The following KCNQ1OT1 variants were observed in gnomAD, a reference collection of about 807,000 sequenced individuals.
KCNQ1OT1 encodes KCNQ1 opposite strand/antisense transcript 1.
chr11:2,617,516 A>G lies in KCNQ1OT1; in HGVS notation n.82479T>C. On this transcript the variant is annotated non_coding_transcript_exon_variant, in exon 1 of 1. Transcript: ENST00000597346. The surrounding 1 kb of genome is among the most constrained non-coding windows in gnomAD (Gnocchi z 4.6). Reference sequence around the variant, plus strand: ...CGTGACTCATGCATATAATGCCACAATGAATATAGGAGCGCAGATATCTTT... The same window carrying G: ...CGTGACTCATGCATATAATGCCACAGTGAATATAGGAGCGCAGATATCTTT... 2.5e-6 allele frequency: 1 copy of G among 398,502 alleles called. No homozygotes were observed. Among genetic ancestry groups the G allele is most frequent in the Non-Finnish European group, 4.4e-6 (1 of 225,972 alleles). 24.7% of individuals were successfully genotyped at this position (398,502 alleles called of 1,614,324 possible).
In KCNQ1OT1 at chr11:2,692,141, C is replaced by G. The variant is rs959852726; in HGVS notation, n.7854G>C. ...TTATAGCCCACTCTACTGAAGGCCC[C>G]TGTCCTTTCAGTGTCACCCATCCTT... On this transcript the variant is annotated non_coding_transcript_exon_variant, in exon 1 of 1. Transcript: ENST00000597346. The G allele has an allele frequency of 1.0e-5, 4 of 398,608 alleles. No individual in the cohort carries two copies. In the Admixed American group the frequency reaches 1.8e-4, roughly 18 times the overall value. 24.7% of individuals were successfully genotyped at this position (398,608 alleles called of 1,614,324 possible).
In KCNQ1OT1 at chr11:2,654,313, G is replaced by C. The variant is rs913322269; in HGVS notation, n.45682C>G. 7 of 398,638 alleles carry C rather than the reference G, an allele frequency of 1.8e-5. No individual in the cohort carries two copies. The highest frequency in any genetic ancestry group is 3.1e-5 in the Non-Finnish European group (7 of 226,242). The allele number at this position is 398,638 out of a possible 1,614,324, so 24.7% of individuals were successfully genotyped here. ...ACTGAGAGGGGGAGATTTCTTGAGG[G>C]GGCCAGGGAGGGGGCTTCTACTTGC... On this transcript the variant is annotated non_coding_transcript_exon_variant, in exon 1 of 1. Coordinates refer to ENST00000597346, the Ensembl canonical transcript of KCNQ1OT1. The surrounding 1 kb of genome is among the most constrained non-coding windows in gnomAD (Gnocchi z 6.4).
Position 2,621,052 on chromosome 11 carries a change from A to G in KCNQ1OT1, n.78943T>C. On this transcript the variant is annotated non_coding_transcript_exon_variant, in exon 1 of 1. Coordinates refer to ENST00000597346, the Ensembl canonical transcript of KCNQ1OT1. The surrounding 1 kb of genome is among the most constrained non-coding windows in gnomAD (Gnocchi z 5.7). ...GAGTGCAGTGGCGCAATCTCGGCTC[A>G]CTGCAACCTCCACCTCCTGGGTTCA... 1 of 396,720 alleles carries G rather than the reference A, an allele frequency of 2.5e-6. No homozygotes were observed. Among genetic ancestry groups the G allele is most frequent in the East Asian group, 3.6e-5 (1 of 27,998 alleles). The allele number at this position is 396,720 out of a possible 1,614,324, so 24.6% of individuals were successfully genotyped here. A position where few individuals can be genotyped will look rare whatever the true frequency, so the allele number is the denominator to read the frequency against.
At chr11:2,646,640 C>T in exon 1 of KCNQ1OT1, 1 of 398,724 alleles carries the variant, frequency 2.5e-6, no homozygotes, top group East Asian at 3.6e-5. Context: ...ATCCTCCCAT[C>T]TCAGCCTCCT....
Position 2,673,138 on chromosome 11 carries a change from T to C in KCNQ1OT1, n.26857A>G. The C allele has an allele frequency of 2.5e-6, 1 of 398,668 alleles. No individual in the cohort carries two copies. The allele number at this position is 398,668 out of a possible 1,614,324, so 24.7% of individuals were successfully genotyped here. A position where few individuals can be genotyped will look rare whatever the true frequency, so the allele number is the denominator to read the frequency against. Reference sequence around the variant, plus strand: ...GCAGGCAGCATCAGGGCAGGGGTGCTGACCATCCCTGACCCAAGCACGAGG... The same window carrying C: ...GCAGGCAGCATCAGGGCAGGGGTGCCGACCATCCCTGACCCAAGCACGAGG... On this transcript the variant is annotated non_coding_transcript_exon_variant, in exon 1 of 1. Transcript: ENST00000597346. This position sits in a 1 kb window ranked among gnomAD's most constrained non-coding sequence, Gnocchi z 4.5.
In KCNQ1OT1 at chr11:2,617,102, C is replaced by G. The variant is rs1849079676; in HGVS notation, n.82893G>C. 1 of 398,004 alleles carries G rather than the reference C, an allele frequency of 2.5e-6. No homozygotes were observed. The highest frequency in any genetic ancestry group is 4.4e-6 in the Non-Finnish European group (1 of 225,832). 24.7% of individuals were successfully genotyped at this position (398,004 alleles called of 1,614,324 possible). A position where few individuals can be genotyped will look rare whatever the true frequency, so the allele number is the denominator to read the frequency against. ...GTGTATGAGTGAGAAAAGCTATGAT[C>G]TACTCAATTGGCAAAAATTCCAAAT... is the stretch of plus-strand genomic sequence containing the variant. On this transcript the variant is annotated non_coding_transcript_exon_variant, in exon 1 of 1. Coordinates refer to ENST00000597346, the Ensembl canonical transcript of KCNQ1OT1. The surrounding 1 kb of genome is among the most constrained non-coding windows in gnomAD (Gnocchi z 4.6).
At chr11:2,656,505 A>C (rs1373190778) in exon 1 of KCNQ1OT1, 1 of 398,490 alleles carries the variant, frequency 2.5e-6, no homozygotes, top group Non-Finnish European at 4.4e-6. Flanking sequence ...TGAGCTCCTG[A>C]GTTTATTTAC....
At position 2,661,154 on chromosome 11, in the gene KCNQ1OT1, G is replaced by A; in HGVS notation, n.38841C>T. ...GAGAGGGTGGGCTAGGGATCTAGTT[G>A]GCAGTTAACACTGATGACCTTGGGG... On this transcript the variant is annotated non_coding_transcript_exon_variant, in exon 1 of 1. Coordinates refer to ENST00000597346, the Ensembl canonical transcript of KCNQ1OT1. This position sits in a 1 kb window ranked among gnomAD's most constrained non-coding sequence, Gnocchi z 5.9. 1 of 398,548 alleles carries A rather than the reference G, an allele frequency of 2.5e-6. No homozygotes were observed. The allele number at this position is 398,548 out of a possible 1,614,324, so 24.7% of individuals were successfully genotyped here.
Position 2,657,345 on chromosome 11 carries a change from A to C in KCNQ1OT1, n.42650T>G, listed in dbSNP as rs1849867959. 2.5e-6 allele frequency: 1 copy of C among 398,616 alleles called. No individual in the cohort carries two copies. 24.7% of individuals were successfully genotyped at this position (398,616 alleles called of 1,614,324 possible). On this transcript the variant is annotated non_coding_transcript_exon_variant, in exon 1 of 1. Transcript: ENST00000597346. This position sits in a 1 kb window ranked among gnomAD's most constrained non-coding sequence, Gnocchi z 4.8. ...ATTGAGTCTTCTAGTCATTGGAATGAAGGCATATTTCTCCATTTATATCTT... is the reference window on the plus strand; with the variant it reads ...ATTGAGTCTTCTAGTCATTGGAATGCAGGCATATTTCTCCATTTATATCTT...
At chr11:2,640,303 G>A (rs371129397) in exon 1 of KCNQ1OT1, 3 of 398,032 alleles carry the variant, frequency 7.5e-6, no homozygotes, top group East Asian at 7.1e-5. Flanking sequence ...CGTCACTCAC[G>A]CTGGGAGCTA....
At chr11:2,694,159 G>T (rs1423858708) in exon 1 of KCNQ1OT1, 1 of 398,572 alleles carries the variant, frequency 2.5e-6, no homozygotes, top group Non-Finnish European at 4.4e-6. Flanking sequence ...CAGGGAAGAG[G>T]GTACTCTGAT....
chr11:2,699,761 GCGCTGA>G, exon 1 of KCNQ1OT1: 1 of 363,914 alleles, frequency 2.7e-6, no homozygotes. Context: ...GAAGAGCGCC[GCGCTGA>G]GGAGCCCCGA....
rs1397451232 is a variant in KCNQ1OT1 at position 2,683,984 on chromosome 11, G to T, written n.16011C>A. 5.1e-6 allele frequency: 2 copies of T among 395,012 alleles called. No individual in the cohort carries two copies. The highest frequency in any genetic ancestry group is 1.3e-4 in the South Asian group (1 of 7,758). 24.5% of individuals were successfully genotyped at this position (395,012 alleles called of 1,614,324 possible). A position where few individuals can be genotyped will look rare whatever the true frequency, so the allele number is the denominator to read the frequency against. ...ACTTTTTTTTTTTTTTCATTTAGAA[G>T]AATTTCCTTGGCAACTCCGTCTCTC... On this transcript the variant is annotated non_coding_transcript_exon_variant, in exon 1 of 1. Coordinates refer to ENST00000597346, the Ensembl canonical transcript of KCNQ1OT1. This position sits in a 1 kb window ranked among gnomAD's most constrained non-coding sequence, Gnocchi z 4.7.
rs1849770549 is a variant in KCNQ1OT1, at chr11:2,652,347, G to A, written n.47648C>T. The A allele has an allele frequency of 1.0e-5, 4 of 398,512 alleles. No individual in the cohort carries two copies. Among genetic ancestry groups the A allele is most frequent in the Non-Finnish European group, 4.4e-6 (1 of 226,076 alleles). 24.7% of individuals were successfully genotyped at this position (398,512 alleles called of 1,614,324 possible). ...AAGTTAAGAACTGGCACATTTCCGC[G>A]ATGTTGTGATGAAGGTGAAAAGATC... On this transcript the variant is annotated non_coding_transcript_exon_variant, in exon 1 of 1. Transcript: ENST00000597346. This position sits in a 1 kb window ranked among gnomAD's most constrained non-coding sequence, Gnocchi z 5.9.
At chr11:2,629,848 A>G (rs1387993807) in exon 1 of KCNQ1OT1, 1 of 397,704 alleles carries the variant, frequency 2.5e-6, no homozygotes, top group Non-Finnish European at 4.4e-6. Flanking sequence ...CATTTTCTAC[A>G]TATATGATGT....
chr11:2,648,353 C>T (rs1196410290), exon 1 of KCNQ1OT1: 11 of 398,252 alleles, frequency 2.8e-5, no homozygotes, highest in South Asian at 1.3e-4. Context: ...CCTTGAGATG[C>T]GTTTATTAGG....
chr11:2,636,538 C>A (rs1433522262), exon 1 of KCNQ1OT1: 1 of 152,184 alleles, frequency 6.6e-6, no homozygotes, highest in African/African-American at 2.4e-5. Context: ...ATGAAGCCCA[C>A]TTGATCATGG....
Position 2,698,124 on chromosome 11 carries a change from A to AG in KCNQ1OT1, n.1870dup, listed in dbSNP as rs1290520512. Reference sequence around the variant, plus strand: ...GTGTATCAGGCTCTTGGCTGGGTACAGAGCAGGCAGCAGAAAACAAAACAG... The same window carrying AG: ...GTGTATCAGGCTCTTGGCTGGGTACAGGAGCAGGCAGCAGAAAACAAAACAG... On this transcript the variant is annotated non_coding_transcript_exon_variant, in exon 1 of 1. Transcript: ENST00000597346. This position sits in a 1 kb window ranked among gnomAD's most constrained non-coding sequence, Gnocchi z 5.1. The AG allele has an allele frequency of 2.5e-6, 1 of 398,566 alleles. No homozygotes were observed. The highest frequency in any genetic ancestry group is 4.4e-6 in the Non-Finnish European group (1 of 226,072). 24.7% of individuals were successfully genotyped at this position (398,566 alleles called of 1,614,324 possible).
chr11:2,639,233 C>T (rs1356196839), exon 1 of KCNQ1OT1: 1 of 152,252 alleles, frequency 6.6e-6, no homozygotes, highest in African/African-American at 2.4e-5. Context: ...CATTCTCCGT[C>T]CAGCTTTGTT....
Sources: allele counts gnomAD v4.1 joint callset, GRCh38; gene constraint gnomAD v4.1.1; non-coding constraint Gnocchi (gnomAD v3.1); transcripts MANE v1.5; gene names NCBI Gene and HGNC (gene_info 2026-07-23, HGNC 2026-07-21).